The following AXDND1 variants were observed in gnomAD, a reference collection of about 807,000 sequenced individuals.
The protein encoded by AXDND1 is axonemal dynein light chain domain containing 1.
AXDND1 carries 110 observed loss-of-function variants against 137.5 expected under a neutral mutation model. The observed-to-expected ratio is 0.80, with a 90% confidence interval of 0.69 to 0.94. The LOEUF (loss-of-function observed/expected upper bound fraction) is 0.94. AXDND1 is among the 40% of genes least tolerant of loss of function. AXDND1 has a pLI of 0.00. For synonymous variants in AXDND1, 414 were observed against 399.7 expected (o/e 1.04, Z -0.43); for missense variants, 1,191 against 1,169.8 (o/e 1.02, Z -0.26).
intron 18 of AXDND1, among the ~76,000 whole-genome samples, chr1:179,490,737 C>A (rs1001393231): frequency 1.5e-4 from 22 of 150,220 alleles, no homozygotes; most frequent in African/African-American, 4.2e-4. Context: ...ATTTCCTGTT[C>A]CATGTTAATT....
Position 179,491,746 on chromosome 1 carries a change from G to A in AXDND1, c.2291+9G>A, listed in dbSNP as rs757101576. 9.2e-6 allele frequency: 14 copies of A among 1,529,054 alleles called. No individual in the cohort carries two copies. The highest frequency in any genetic ancestry group is 4.4e-5 in the Admixed American group (2 of 45,760). The allele number at this position is 1,529,054 out of a possible 1,614,324, so 94.7% of individuals were successfully genotyped here. ...TCCAGCTATTTGAGCAGGTGAAGCG[G>A]TTATTTTATTGTTGCCCTTTTGAAG... On this transcript the variant is annotated intron_variant, in intron 19 of 25. Transcript: ENST00000367618.
intron 11 of AXDND1, among the ~76,000 whole-genome samples, chr1:179,407,898 C>A (rs950040776): frequency 6.6e-6 from 1 of 152,180 alleles, no homozygotes; most frequent in Non-Finnish European, 1.5e-5. Flanking sequence ...AAAATTTGGT[C>A]ACTTTATGGT....
intron 17 of AXDND1, among the ~76,000 whole-genome samples, chr1:179,482,433 A>G (rs1176786802): frequency 6.6e-6 from 1 of 152,138 alleles, no homozygotes; most frequent in Non-Finnish European, 1.5e-5. Context: ...CAGTACCTAG[A>G]CTCAACACCA....
chr1:179,395,330 C>A, intron 11 of AXDND1, 128 bp downstream of exon 11: 1 of 682,468 alleles, frequency 1.5e-6, no homozygotes, highest in Non-Finnish European at 2.4e-6. Flanking sequence ...CTTACTTTAT[C>A]TGAATTTAGT....
chr1:179,546,779 A>G (rs1672692697), intron 25 of AXDND1, among the ~76,000 whole-genome samples: 1 of 152,252 alleles, frequency 6.6e-6, no homozygotes, highest in South Asian at 2.1e-4. Context: ...TAGAAAGCTT[A>G]GTGGACAGTC....
intron 16 of AXDND1, among the ~76,000 whole-genome samples, chr1:179,459,974 T>C (rs891311935): frequency 1.2e-4 from 15 of 129,330 alleles, no homozygotes; most frequent in African/African-American, 4.2e-4. Context: ...TCTTTCTTTC[T>C]TTTTCTTTCT....
chr1:179,502,488 C>T (rs757485300), intron 20 of AXDND1, among the ~76,000 whole-genome samples: 22 of 148,472 alleles, frequency 1.5e-4, no homozygotes, highest in Non-Finnish European at 2.8e-4. Flanking sequence ...CGCTTGAACC[C>T]GGGAGGCAAA....
At chr1:179,533,142 A>G (rs1485624693) in intron 23 of AXDND1, 1 of 152,112 alleles carries the variant, frequency 6.6e-6, no homozygotes, top group Non-Finnish European at 1.5e-5. Context: ...CTTGAGAGAC[A>G]TGGATAAATG....
intron 1 of AXDND1, 52 bp downstream of exon 1, chr1:179,366,052 C>A (rs187570020): frequency 6.5e-6 from 1 of 154,544 alleles, no homozygotes; most frequent in African/African-American, 2.4e-5. Flanking sequence ...TCATTTTAAA[C>A]CAAGAAGCAG....
At position 179,383,528 on chromosome 1, in the gene AXDND1, A is replaced by G; in HGVS notation, c.725A>G (p.Tyr242Cys). The G allele has an allele frequency of 6.2e-7, 1 of 1,613,398 alleles. No individual in the cohort carries two copies. The highest frequency in any genetic ancestry group is 8.5e-7 in the Non-Finnish European group (1 of 1,179,410). ...LERAGVENQEYTGPTKMHKLL... is the reference protein window; with the variant it reads ...LERAGVENQECTGPTKMHKLL... ...AGGGCTGGTGTGGAAAATCAGGAAT[A>G]TACAGGACCAACGAAGGTAATTGCA... The change falls in exon 8 of 26, where the codon TAT (tyrosine) becomes TGT (cysteine). Residue 242 changes from tyrosine to cysteine, a missense_variant. Physicochemically the swap from Tyr to Cys is radical, Grantham distance 194. Coordinates refer to ENST00000367618, the MANE Select transcript of AXDND1 (RefSeq NM_144696.6).
chr1:179,535,046 A>C (rs778495736), intron 25 of AXDND1, 84 bp downstream of exon 25: 2 of 1,577,002 alleles, frequency 1.3e-6, no homozygotes, highest in Non-Finnish European at 8.7e-7. Flanking sequence ...GTAGAAGAAC[A>C]TTAATATATT....
intron 12 of AXDND1, among the ~76,000 whole-genome samples, chr1:179,425,173 T>C (rs1656368858): frequency 1.3e-5 from 2 of 152,230 alleles, no homozygotes; most frequent in Admixed American, 6.5e-5. Flanking sequence ...TTATGTTTGA[T>C]TGGCTATTTT....
chr1:179,408,968 C>CTTTTTTTTTTTTTTTT (rs74384865), intron 11 of AXDND1, among the ~76,000 whole-genome samples: 4 of 126,400 alleles, frequency 3.2e-5, no homozygotes, highest in Non-Finnish European at 6.6e-5. Flanking sequence ...TTTTTTCTTT[C>CTTTTTTTTTTTTTTTT]TTTTTTTTTT....
intron 17 of AXDND1, among the ~76,000 whole-genome samples, chr1:179,482,787 C>A (rs976886042): frequency 6.6e-6 from 1 of 151,678 alleles, no homozygotes; most frequent in African/African-American, 2.4e-5. Flanking sequence ...GGAAGTCATT[C>A]ATTGAGAGGA....
chr1:179,420,622 G>C (rs1008067068), intron 12 of AXDND1, among the ~76,000 whole-genome samples: 2 of 149,920 alleles, frequency 1.3e-5, no homozygotes, highest in Non-Finnish European at 3.0e-5. Flanking sequence ...ACTTGTTATT[G>C]GTTTATTGAG....
At position 179,488,634 on chromosome 1, in the gene AXDND1, C is replaced by CTTTCTTTCTTTCTTTCTTTTTCTTT. The variant is rs376189496; in HGVS notation, c.2092-2904_2092-2903insTTTCTTTCTTTCTTTCTTTTTCTTT. The stretch of plus-strand genomic sequence containing the variant: ...TTTCTTTCTTTCTCTCTCTCTCTCT[C>CTTTCTTTCTTTCTTTCTTTTTCTTT]CTTTCTTTCTTTCTTTCTTTCTTTC... On this transcript the variant is annotated intron_variant, in intron 18 of 25. Coordinates refer to ENST00000367618, the MANE Select transcript of AXDND1 (RefSeq NM_144696.6). 2.9e-5 allele frequency among the ~76,000 whole-genome samples: 3 copies of CTTTCTTTCTTTCTTTCTTTTTCTTT among 105,172 alleles called. 1 individual carries two copies. Among genetic ancestry groups the CTTTCTTTCTTTCTTTCTTTTTCTTT allele is most frequent in the African/African-American group, 1.2e-4 (3 of 25,576 alleles). The allele number at this position is 105,172 out of a possible 152,430, so 69.0% of individuals were successfully genotyped here.
chr1:179,490,039 C>T (rs532739550), intron 18 of AXDND1, among the ~76,000 whole-genome samples: 2 of 152,102 alleles, frequency 1.3e-5, no homozygotes, highest in African/African-American at 2.4e-5. Flanking sequence ...CCACCGCGCC[C>T]GGCCTAGGCT....
At chr1:179,367,353 A>G (rs1263649883) in intron 2 of AXDND1, among the ~76,000 whole-genome samples, 2 of 151,956 alleles carry the variant, frequency 1.3e-5, no homozygotes, top group East Asian at 3.9e-4. Context: ...CTGTCTACTA[A>G]AAATACAAAA....
At chr1:179,452,665 G>A (rs1339799341) in intron 16 of AXDND1, 7 of 122,642 alleles carry the variant, frequency 5.7e-5, no homozygotes, top group East Asian at 2.3e-4. Flanking sequence ...TCCGCAGTCC[G>A]GCCTGGGCGA....
Sources: gnomAD v4.1 joint callset for allele counts (sites outside exome capture counted in the v4.1 genomes callset) on GRCh38, gnomAD v4.1.1 for gene constraint, MANE v1.5 for transcripts, NCBI Gene and HGNC (gene_info 2026-07-23, HGNC 2026-07-21) for gene names.